CAT: variants seen among roughly 807,000 people sequenced by gnomAD.
The protein encoded by CAT is epididymis secretory sperm binding protein.
CAT carries 43 observed loss-of-function variants against 59.0 expected under a neutral mutation model. The ratio of observed to expected loss-of-function variants is 0.73; its 90% CI spans 0.57 to 0.94. The LOEUF (loss-of-function observed/expected upper bound fraction) is 0.94. Ranked by LOEUF, CAT falls within the 40% of genes least tolerant of loss-of-function variation. CAT has a pLI of 0.00. For synonymous variants in CAT, 218 were observed against 230.9 expected, an observed-to-expected ratio of 0.94 and a Z score of 0.51; for missense variants, 664 against 682.9, an observed-to-expected ratio of 0.97 and a Z score of 0.31.
chr11:34,446,002 C>T (rs1856449737), intron 1 of CAT, among the ~76,000 whole-genome samples: 1 of 151,978 alleles, frequency 6.6e-6, no homozygotes, highest in Non-Finnish European at 1.5e-5. Flanking sequence ...TTTTCTAGCC[C>T]CACCCTCTCA....
At chr11:34,449,582 T>G (rs1261015101) in intron 2 of CAT, among the ~76,000 whole-genome samples, 2 of 152,236 alleles carry the variant, frequency 1.3e-5, no homozygotes, top group Admixed American at 6.5e-5. Flanking sequence ...AATAGCAGTC[T>G]TCCATTTCTC....
intron 1 of CAT, 30 bp from the exon 2 acceptor site, chr11:34,449,162 C>T: frequency 6.2e-7 from 1 of 1,605,304 alleles, no homozygotes; most frequent in Non-Finnish European, 8.5e-7. Context: ...TGTGCTAACT[C>T]TCCTGCACTT....
rs778218089 is a variant in CAT at position 34,452,114 on chromosome 11, T to A, written c.387T>A (p.Pro129=). The change falls in exon 4 of 13, where the codon CCT becomes CCA. Residue 129 remains proline, a synonymous_variant. Transcript: ENST00000241052. ...ESGSADTVRD[P]RGFAVKFYTE... ...GTTCAGCTGACACAGTTCGGGACCCTCGTGGGTTTGCAGTGAAATTTTACA... is the reference window on the plus strand; with the variant it reads ...GTTCAGCTGACACAGTTCGGGACCCACGTGGGTTTGCAGTGAAATTTTACA... The A allele has an allele frequency of 4.3e-6, 7 of 1,613,742 alleles. No homozygotes were observed. Among genetic ancestry groups the A allele is most frequent in the Non-Finnish European group, 5.9e-6 (7 of 1,179,784 alleles).
At chr11:34,456,314 G>A in intron 7 of CAT, 112 bp downstream of exon 7, 1 of 839,702 alleles carries the variant, frequency 1.2e-6, no homozygotes, top group South Asian at 1.5e-5. Flanking sequence ...ACAAAATACA[G>A]AGGGTACCAC....
Position 34,453,204 on chromosome 11 carries a change from C to T in CAT, c.585+10C>T. On this transcript the variant is annotated intron_variant, in intron 5 of 12. Transcript: ENST00000241052. ...TGAGTCTCTGCATCAGGTATGAACC[C>T]TTTTTTGCCATTGTATTATATCACC... 3.3e-6 allele frequency: 5 copies of T among 1,519,252 alleles called. No individual in the cohort carries two copies. The highest frequency in any genetic ancestry group is 4.6e-6 in the Non-Finnish European group (5 of 1,093,560). The allele number at this position is 1,519,252 out of a possible 1,614,324, so 94.1% of individuals were successfully genotyped here. A position where few individuals can be genotyped will look rare whatever the true frequency, so the allele number is the denominator to read the frequency against.
intron 3 of CAT, 23 bp from the exon 4 acceptor site, chr11:34,452,054 C>T (rs761821497): frequency 1.2e-6 from 2 of 1,613,854 alleles, no homozygotes; most frequent in Non-Finnish European, 1.7e-6. Flanking sequence ...CTTATGCTTC[C>T]TGTTTCCATT....
At chr11:34,449,816 G>A (rs1856501151) in intron 2 of CAT, among the ~76,000 whole-genome samples, 1 of 152,174 alleles carries the variant, frequency 6.6e-6, no homozygotes. Context: ...ATAAATGTGA[G>A]CCATACATAC....
Position 34,471,699 on chromosome 11 carries a change from G to A in CAT, c.*266G>A, listed in dbSNP as rs368863285. ...TTCATTTAAAATGATTAGAAGGCAA[G>A]TTTCTAGCTAGAAATATGATTTTAT... On this transcript the variant is annotated 3_prime_UTR_variant, in exon 13 of 13. Coordinates refer to ENST00000241052, the MANE Select transcript of CAT (RefSeq NM_001752.4). 8.3e-3 allele frequency: 3,965 copies of A among 475,774 alleles called. 119 individuals are homozygous for A. The highest frequency in any genetic ancestry group is 0.059 in the South Asian group (2,511 of 42,398). 29.5% of individuals were successfully genotyped at this position (475,774 alleles called of 1,614,324 possible). A position where few individuals can be genotyped will look rare whatever the true frequency, so the allele number is the denominator to read the frequency against.
In CAT at chr11:34,444,980, C is replaced by G. The variant is rs372381978; in HGVS notation, c.67-4212C>G. ...TCAGAATTTATAAATTAAAATATTT[C>G]TCTCATTTTTTGGAGGGGCGATGCA... is the stretch of plus-strand genomic sequence containing the variant. On this transcript the variant is annotated intron_variant, in intron 1 of 12. Transcript: ENST00000241052. 1.7e-4 allele frequency among the ~76,000 whole-genome samples: 26 copies of G among 152,250 alleles called. No individual in the cohort carries two copies. The South Asian group carries it at 5.2e-3, about 30-fold the overall frequency.
At chr11:34,440,820 C>G (rs1856380663) in intron 1 of CAT, among the ~76,000 whole-genome samples, 1 of 152,132 alleles carries the variant, frequency 6.6e-6, no homozygotes, top group South Asian at 2.1e-4. Context: ...GCCTTGGCCT[C>G]CCAAAGTACC....
chr11:34,464,737 G>C (rs970079057), intron 10 of CAT, among the ~76,000 whole-genome samples: 7 of 151,736 alleles, frequency 4.6e-5, no homozygotes, highest in Non-Finnish European at 8.8e-5. Context: ...TTTTACCACA[G>C]CTTCCTGTTT....
At chr11:34,470,773 T>C (rs1856764137) in intron 11 of CAT, 185 bp from the exon 12 acceptor site, 1 of 688,452 alleles carries the variant, frequency 1.5e-6, no homozygotes, top group Non-Finnish European at 2.7e-6. Flanking sequence ...AGCCAGTATA[T>C]GTCAGAGTGT....
At chr11:34,461,121 G>C (rs1181864510) in intron 8 of CAT, 130 bp from the exon 9 acceptor site, 10 of 1,015,838 alleles carry the variant, frequency 9.8e-6, no homozygotes, top group Non-Finnish European at 1.6e-5. Context: ...TAAGTAGCGG[G>C]AAAGGCAGAA....
chr11:34,463,402 G>T (rs1856674349), intron 9 of CAT, among the ~76,000 whole-genome samples: 1 of 151,910 alleles, frequency 6.6e-6, no homozygotes, highest in African/African-American at 2.4e-5. Context: ...TGAAAGTGAA[G>T]CTACAATGGA....
chr11:34,447,917 G>A (rs1315034222), intron 1 of CAT, among the ~76,000 whole-genome samples: 1 of 152,182 alleles, frequency 6.6e-6, no homozygotes, highest in Non-Finnish European at 1.5e-5. Flanking sequence ...CCAGGCTCTA[G>A]TGCTGGCACT....
rs944018810 is a variant in CAT at position 34,452,072 on chromosome 11, T to C, written c.350-5T>C. 2 of 1,613,968 alleles carry C rather than the reference T, an allele frequency of 1.2e-6. No individual in the cohort carries two copies. Among genetic ancestry groups the C allele is most frequent in the Non-Finnish European group, 8.5e-7 (1 of 1,179,844 alleles). ...ATGCTTCCTGTTTCCATTTGAATAT[T>C]GTAGCTGGAGAATCGGGTTCAGCTG... is the stretch of plus-strand genomic sequence containing the variant. On this transcript the variant is annotated splice_region_variant and splice_polypyrimidine_tract_variant and intron_variant, in intron 3 of 12. Transcript: ENST00000241052.
Position 34,471,400 on chromosome 11 carries a change from T to G in CAT, c.1551T>G (p.Ser517=). The change falls in exon 13 of 13, where the codon TCT becomes TCG. Residue 517 remains serine, a synonymous_variant. Transcript: ENST00000241052. ...NAIHTFVQSG[S]HLAAREKANL ...TTCACACCTTTGTGCAGTCCGGATC[T>G]CACTTGGCGGCAAGGGAGAAGGCAA... The G allele has an allele frequency of 6.2e-7, 1 of 1,613,992 alleles. No individual in the cohort carries two copies. The highest frequency in any genetic ancestry group is 1.3e-5 in the African/African-American group (1 of 75,058).
intron 6 of CAT, 125 bp from the exon 7 acceptor site, chr11:34,455,886 G>A: frequency 1.4e-6 from 1 of 738,324 alleles, no homozygotes; most frequent in South Asian, 1.6e-5. Flanking sequence ...AACAATAGAA[G>A]TATTGTTGTA....
At chr11:34,458,556 A>G (rs1432467491) in intron 8 of CAT, among the ~76,000 whole-genome samples, 1 of 152,226 alleles carries the variant, frequency 6.6e-6, no homozygotes, top group Non-Finnish European at 1.5e-5. Flanking sequence ...AAAACTCCCT[A>G]CCTGGTGGCT....
Sources: allele counts gnomAD v4.1 joint callset (sites outside exome capture counted in the v4.1 genomes callset), GRCh38; gene constraint gnomAD v4.1.1; transcripts MANE v1.5; gene names NCBI Gene and HGNC (gene_info 2026-07-23, HGNC 2026-07-21).